Variants in THSD7B observed in about 807,000 individuals in gnomAD.
THSD7B encodes the protein thrombospondin type 1 domain containing 7B, also known as thrombospondin type-1 domain-containing protein 7B.
A neutral mutation model predicts 213.6 loss-of-function variants in THSD7B; 138 were observed. The observed-to-expected ratio is 0.65, with a 90% CI of 0.56 to 0.74. The LOEUF (loss-of-function observed/expected upper bound fraction) is 0.74. Ranked by LOEUF, THSD7B falls within the 30% of genes least tolerant of loss-of-function variation. THSD7B has a pLI of 0.00. For missense variants in THSD7B, 1,931 were observed against 1,991.5 expected, an observed-to-expected ratio of 0.97 and a Z score of 0.58; for synonymous variants, 742 against 687.0, an observed-to-expected ratio of 1.08 and a Z score of -1.25.
chr2:137,624,064 C>T (rs1322624123), intron 20 of THSD7B, among the ~76,000 whole-genome samples: 1 of 152,198 alleles, frequency 6.6e-6, no homozygotes, highest in Admixed American at 6.5e-5. Flanking sequence ...TTCATGCTAC[C>T]TGACTTCAAA....
intron 12 of THSD7B, among the ~76,000 whole-genome samples, chr2:137,380,950 C>T (rs1173005644): frequency 1.3e-5 from 2 of 152,220 alleles, no homozygotes; most frequent in African/African-American, 4.8e-5. Context: ...TGGCTTGTGC[C>T]ACGGTGTGTA....
intron 2 of THSD7B, among the ~76,000 whole-genome samples, chr2:137,042,777 C>A (rs1459009619): frequency 6.6e-6 from 1 of 152,236 alleles, no homozygotes; most frequent in African/African-American, 2.4e-5. Flanking sequence ...CCTGAGCTAA[C>A]ATTGACCCTA....
rs780897891 is a variant in THSD7B, at chr2:137,471,868, G to A, written c.3138+20845G>A. Among the ~76,000 whole-genome samples, 10 of 152,190 alleles carry A rather than the reference G, an allele frequency of 6.6e-5. No homozygotes were observed. In the South Asian group the frequency reaches 1.0e-3, roughly 16 times the overall value. On this transcript the variant is annotated intron_variant, in intron 15 of 27. Transcript: ENST00000409968. ...GGCAAAAGCCAAAAGGCAGTACTGC[G>A]GGTGACCATTTATAATGAAACTTGT...
At chr2:137,195,360 C>T (rs547533636) in intron 7 of THSD7B, among the ~76,000 whole-genome samples, 2 of 152,074 alleles carry the variant, frequency 1.3e-5, no homozygotes, top group African/African-American at 4.8e-5. Context: ...CAAGCCACTC[C>T]TAGAGCTCAG....
chr2:137,224,525 T>TG (rs1681452369), intron 7 of THSD7B, among the ~76,000 whole-genome samples: 1 of 152,172 alleles, frequency 6.6e-6, no homozygotes, highest in Non-Finnish European at 1.5e-5. Flanking sequence ...GTGATTTACT[T>TG]GGGGCAGAAA....
intron 13 of THSD7B, among the ~76,000 whole-genome samples, chr2:137,409,499 T>C (rs1237975883): frequency 6.6e-6 from 1 of 152,116 alleles, no homozygotes; most frequent in Non-Finnish European, 1.5e-5. Context: ...ATGGGTGTGA[T>C]TGGTTCTTTA....
intron 1 of THSD7B, among the ~76,000 whole-genome samples, chr2:136,776,037 G>A (rs935270662): frequency 6.6e-6 from 1 of 152,108 alleles, no homozygotes; most frequent in Non-Finnish European, 1.5e-5. Context: ...GGTTGGCCCA[G>A]TCAAGGTGCA....
chr2:136,865,313 G>A (rs961441105), intron 1 of THSD7B, among the ~76,000 whole-genome samples: 4 of 152,216 alleles, frequency 2.6e-5, no homozygotes, highest in African/African-American at 9.6e-5. Context: ...CATTGGGAAA[G>A]ATGAGACATA....
intron 14 of THSD7B, among the ~76,000 whole-genome samples, chr2:137,425,017 A>G (rs896252011): frequency 5.3e-5 from 8 of 151,288 alleles, no homozygotes; most frequent in Non-Finnish European, 1.2e-4. Context: ...GCTTACAGTG[A>G]GCGGAGATCG....
At chr2:137,334,977 GT>G (rs897556877) in intron 12 of THSD7B, among the ~76,000 whole-genome samples, 1 of 152,158 alleles carries the variant, frequency 6.6e-6, no homozygotes, top group African/African-American at 2.4e-5. Context: ...CTGCTGACCT[GT>G]CAAGAGGTGA....
chr2:137,471,231 A>G (rs1355848698), intron 15 of THSD7B, among the ~76,000 whole-genome samples: 1 of 151,986 alleles, frequency 6.6e-6, no homozygotes, highest in African/African-American at 2.4e-5. Flanking sequence ...AGCTCTTCCC[A>G]TTTCTAAGAC....
intron 2 of THSD7B, among the ~76,000 whole-genome samples, chr2:137,030,281 A>G (rs1020030727): frequency 2.0e-5 from 3 of 152,230 alleles, no homozygotes; most frequent in African/African-American, 7.2e-5. Context: ...TTTTTAATAT[A>G]CAAATAGATT....
At chr2:137,500,391 G>A (rs1042756348) in intron 15 of THSD7B, among the ~76,000 whole-genome samples, 4 of 152,178 alleles carry the variant, frequency 2.6e-5, no homozygotes, top group African/African-American at 7.2e-5. Flanking sequence ...TTTTAGACAT[G>A]CGTAGTCAGG....
chr2:137,302,086 G>C (rs1367170147), intron 12 of THSD7B, among the ~76,000 whole-genome samples: 5 of 152,212 alleles, frequency 3.3e-5, no homozygotes, highest in African/African-American at 1.2e-4. Flanking sequence ...AATATGGTTT[G>C]AGGGTAGGGT....
chr2:136,827,107 G>T (rs1682657114), intron 1 of THSD7B, among the ~76,000 whole-genome samples: 1 of 152,212 alleles, frequency 6.6e-6, no homozygotes, highest in Non-Finnish European at 1.5e-5. Context: ...GATTTGACCT[G>T]ATGGTAACCA....
chr2:137,319,370 A>G (rs1005411698), intron 12 of THSD7B, among the ~76,000 whole-genome samples: 1 of 151,634 alleles, frequency 6.6e-6, no homozygotes, highest in Non-Finnish European at 1.5e-5. Flanking sequence ...ATTCCATGTG[A>G]TCTGTACCAT....
intron 12 of THSD7B, among the ~76,000 whole-genome samples, chr2:137,398,454 G>T (rs1017052005): frequency 2.6e-5 from 4 of 151,766 alleles, no homozygotes; most frequent in South Asian, 2.1e-4. Flanking sequence ...CTGCTGGGGG[G>T]TGCCTCCCAG....
chr2:137,540,441 C>T (rs1405528713), intron 15 of THSD7B, among the ~76,000 whole-genome samples: 2 of 151,592 alleles, frequency 1.3e-5, no homozygotes, highest in Non-Finnish European at 3.0e-5. Context: ...TTTCCAACTC[C>T]AGCTGCAGGG....
intron 1 of THSD7B, among the ~76,000 whole-genome samples, chr2:136,855,400 C>G (rs942730407): frequency 6.6e-6 from 1 of 151,806 alleles, no homozygotes; most frequent in Non-Finnish European, 1.5e-5. Context: ...ACGTCTATGA[C>G]CTGGCACCTG....
Sources: gnomAD v4.1 joint callset for allele counts (sites outside exome capture counted in the v4.1 genomes callset) on GRCh38, gnomAD v4.1.1 for gene constraint, MANE v1.5 for transcripts, NCBI Gene and HGNC (gene_info 2026-07-23, HGNC 2026-07-21) for gene names.